PHLPP1: variants seen among roughly 807,000 people sequenced by gnomAD.
PHLPP1 encodes the protein PH domain and leucine rich repeat protein phosphatase 1.
A neutral mutation model predicts 117.2 loss-of-function variants in PHLPP1; 42 were observed. The observed-to-expected ratio is 0.36, with a 90% CI of 0.28 to 0.46. PHLPP1 has a LOEUF of 0.46. Ranked by LOEUF, PHLPP1 falls within the 20% of genes least tolerant of loss-of-function variation. The pLI, the probability that PHLPP1 is intolerant of heterozygous loss-of-function variation, is 1.00. For missense variants in PHLPP1, 2,084 were observed against 2,241.9 expected, an observed-to-expected ratio of 0.93 and a Z score of 1.42; for synonymous variants, 1,042 against 970.7, an observed-to-expected ratio of 1.07 and a Z score of -1.37.
In PHLPP1 at chr18:62,726,552, TCTTTTCTTTC is replaced by T. The variant is rs537208941; in HGVS notation, c.1576+9301_1576+9310del. 1.9e-3 allele frequency among the ~76,000 whole-genome samples: 288 copies of T among 151,414 alleles called. 1 individual carries two copies. Among genetic ancestry groups the T allele is most frequent in the African/African-American group, 6.8e-3 (280 of 41,352 alleles). The stretch of plus-strand genomic sequence containing the variant: ...CTTGTAGTATTTTATCATTTTCTTT[TCTTTTCTTTC>T]CTTTTCTGTTCTGTTCTGTTCTTTT... On this transcript the variant is annotated intron_variant, in intron 1 of 16. Coordinates refer to ENST00000262719, the MANE Select transcript of PHLPP1 (RefSeq NM_194449.4).
rs1376922277 is a variant in PHLPP1, at chr18:62,838,856, A to T, written c.1846A>T (p.Ile616Phe). The change falls in exon 3 of 17, where the codon ATT becomes TTT. Residue 616 changes from isoleucine (I) to phenylalanine (F), a missense_variant. Coordinates refer to ENST00000262719, the MANE Select transcript of PHLPP1 (RefSeq NM_194449.4). Reference sequence around the variant, plus strand: ...TGGACCCCAAAGCCAGACTTACTACATTTGCTTTGATACTTTCACAGAATA... The same window carrying T: ...TGGACCCCAAAGCCAGACTTACTACTTTTGCTTTGATACTTTCACAGAATA... ...SSGPQSQTYY[I>F]CFDTFTEYLR... 2 of 1,613,778 alleles carry T rather than the reference A, an allele frequency of 1.2e-6. No homozygotes were observed. Among genetic ancestry groups the T allele is most frequent in the East Asian group, 2.2e-5 (1 of 44,876 alleles).
At chr18:62,817,415 A>G (rs567740529) in intron 1 of PHLPP1, among the ~76,000 whole-genome samples, 12 of 152,366 alleles carry the variant, frequency 7.9e-5, no homozygotes, top group Non-Finnish European at 1.3e-4. Flanking sequence ...GCATATGTGT[A>G]TATGTAGGTA....
chr18:62,876,145 T>C (rs1263762436), intron 4 of PHLPP1, among the ~76,000 whole-genome samples: 3 of 152,094 alleles, frequency 2.0e-5, no homozygotes, highest in Admixed American at 6.5e-5. Flanking sequence ...AAACCTTACG[T>C]AGAAAAATGT....
At chr18:62,821,565 A>G (rs1366889982) in intron 1 of PHLPP1, among the ~76,000 whole-genome samples, 4 of 149,858 alleles carry the variant, frequency 2.7e-5, no homozygotes, top group East Asian at 3.9e-4. Context: ...AAAAAAAAAA[A>G]AAAAAAGAAA....
At chr18:62,848,347 C>T (rs1915233360) in intron 3 of PHLPP1, among the ~76,000 whole-genome samples, 1 of 151,704 alleles carries the variant, frequency 6.6e-6, no homozygotes, top group African/African-American at 2.4e-5. Flanking sequence ...ATAGTAATAA[C>T]TAACATTTTG....
chr18:62,955,445 A>C (rs1910583849), intron 12 of PHLPP1, among the ~76,000 whole-genome samples: 1 of 152,172 alleles, frequency 6.6e-6, no homozygotes, highest in Non-Finnish European at 1.5e-5. Flanking sequence ...GACCAAAAGC[A>C]AATTTCTGGT....
chr18:62,885,926 A>G (rs1257271613), intron 4 of PHLPP1, among the ~76,000 whole-genome samples: 1 of 152,228 alleles, frequency 6.6e-6, no homozygotes, highest in African/African-American at 2.4e-5. Flanking sequence ...AAGAAAATAC[A>G]GGGATGGAAC....
intron 1 of PHLPP1, among the ~76,000 whole-genome samples, chr18:62,805,974 CT>C (rs1011567891): frequency 6.6e-6 from 1 of 151,734 alleles, no homozygotes; most frequent in Non-Finnish European, 1.5e-5. Flanking sequence ...TTTTAAATGA[CT>C]TTAAAAGTTC....
chr18:62,926,878 T>C (rs1909643599), intron 10 of PHLPP1, among the ~76,000 whole-genome samples: 1 of 152,176 alleles, frequency 6.6e-6, no homozygotes, highest in South Asian at 2.1e-4. Flanking sequence ...TAAGCATCAA[T>C]TCCCAGCAAT....
intron 1 of PHLPP1, among the ~76,000 whole-genome samples, chr18:62,759,969 G>A (rs1568106077): frequency 6.6e-6 from 1 of 151,942 alleles, no homozygotes; most frequent in Non-Finnish European, 1.5e-5. Context: ...ATAATCTTCC[G>A]GCTGTTCTCA....
At chr18:62,782,610 A>G (rs898937022) in intron 1 of PHLPP1, among the ~76,000 whole-genome samples, 2 of 152,260 alleles carry the variant, frequency 1.3e-5, no homozygotes, top group Non-Finnish European at 2.9e-5. Flanking sequence ...TAAGTGTTAT[A>G]TATGTGACAG....
rs774225759 is a variant in PHLPP1 at position 62,900,433 on chromosome 18, C to CTTTTTTTTTTTTTTTTTTTTTT, written c.2445-2524_2445-2503dup. On this transcript the variant is annotated intron_variant, in intron 6 of 16. Transcript: ENST00000262719. ...GTATTCTTGTTTTTTCTTTTTCTTT[C>CTTTTTTTTTTTTTTTTTTTTTT]TTTTTTTTTTTTTTTTTTTTTTTTT... 5.3e-4 allele frequency among the ~76,000 whole-genome samples: 29 copies of CTTTTTTTTTTTTTTTTTTTTTT among 54,258 alleles called. 13 individuals are homozygous for CTTTTTTTTTTTTTTTTTTTTTT. The highest frequency in any genetic ancestry group is 9.1e-4 in the Admixed American group (4 of 4,376). 35.6% of individuals were successfully genotyped at this position (54,258 alleles called of 152,430 possible).
intron 3 of PHLPP1, among the ~76,000 whole-genome samples, chr18:62,849,187 A>G (rs747541113): frequency 1.3e-5 from 2 of 152,220 alleles, no homozygotes; most frequent in Admixed American, 6.5e-5. Flanking sequence ...GAGTCATTCA[A>G]AGCAGACTGA....
intron 4 of PHLPP1, among the ~76,000 whole-genome samples, chr18:62,890,434 T>C (rs1240335427): frequency 6.6e-6 from 1 of 151,882 alleles, no homozygotes; most frequent in Admixed American, 6.6e-5. Context: ...CTCGGCTAAT[T>C]TTTATATTTT....
At chr18:62,850,069 A>G (rs1038334857) in intron 3 of PHLPP1, among the ~76,000 whole-genome samples, 1 of 131,260 alleles carries the variant, frequency 7.6e-6, no homozygotes, top group Non-Finnish European at 1.7e-5. Flanking sequence ...GAAATTAAAC[A>G]TCAATTTTTT....
chr18:62,797,913 A>G (rs1055287041), intron 1 of PHLPP1, among the ~76,000 whole-genome samples: 1 of 152,214 alleles, frequency 6.6e-6, no homozygotes, highest in African/African-American at 2.4e-5. Flanking sequence ...TGACTAATGG[A>G]AGGCATATAG....
Position 62,716,799 on chromosome 18 carries a change from C to G in PHLPP1, c.1116C>G (p.Ser372=). ...ACCCCTACAGCAGCGGCGGCGGCTC[C>G]TCGTCGTCGTCGGAAGAGCTCGAGG... ...RLDPYSSGGG[S]SSSSEELEAD... The change falls in exon 1 of 17, where the codon TCC becomes TCG. Residue 372 remains serine, a synonymous_variant. Transcript: ENST00000262719. This position sits in a 1 kb window ranked among gnomAD's most constrained non-coding sequence, Gnocchi z 5.7. The G allele has an allele frequency of 2.0e-6, 3 of 1,526,818 alleles. No homozygotes were observed. The highest frequency in any genetic ancestry group is 2.6e-6 in the Non-Finnish European group (3 of 1,142,494). The allele number at this position is 1,526,818 out of a possible 1,614,324, so 94.6% of individuals were successfully genotyped here.
intron 1 of PHLPP1, among the ~76,000 whole-genome samples, chr18:62,806,350 G>C (rs1396548277): frequency 6.6e-6 from 1 of 152,140 alleles, no homozygotes; most frequent in African/African-American, 2.4e-5. Context: ...TGGAAGGAAA[G>C]GAAACATTCT....
intron 2 of PHLPP1, among the ~76,000 whole-genome samples, chr18:62,830,773 T>G (rs1197347497): frequency 1.3e-5 from 2 of 152,136 alleles, no homozygotes; most frequent in Non-Finnish European, 2.9e-5. Context: ...GGACAGAAAA[T>G]AGGTAGAATT....
Sources: allele counts gnomAD v4.1 joint callset (sites outside exome capture counted in the v4.1 genomes callset), GRCh38; gene constraint gnomAD v4.1.1; non-coding constraint Gnocchi (gnomAD v3.1); transcripts MANE v1.5; gene names NCBI Gene and HGNC (gene_info 2026-07-23, HGNC 2026-07-21).